The following PHYHD1 variants were observed in gnomAD, a reference collection of about 807,000 sequenced individuals.
The protein encoded by PHYHD1 is phytanoyl-CoA dioxygenase domain-containing protein 1.
In PHYHD1, 42 loss-of-function variants were observed where a neutral mutation model predicts 43.6. The observed-to-expected ratio is 0.96, with a 90% confidence interval of 0.75 to 1.25. The LOEUF (loss-of-function observed/expected upper bound fraction) is 1.25, where lower values mean the gene tolerates loss of function less well. PHYHD1 is among the 50% of genes most tolerant of loss of function. PHYHD1 has a pLI of 0.00. For missense variants in PHYHD1, 342 were observed against 370.8 expected, an observed-to-expected ratio of 0.92 and a Z score of 0.64; for synonymous variants, 139 against 143.6, an observed-to-expected ratio of 0.97 and a Z score of 0.23.
intron 3 of PHYHD1, among the ~76,000 whole-genome samples, chr9:128,923,589 G>A (rs894197359): frequency 2.0e-5 from 3 of 152,192 alleles, no homozygotes; most frequent in African/African-American, 7.2e-5. Flanking sequence ...ATCCCCTTGC[G>A]CTGAGCATTT....
chr9:128,933,950 C>T, intron 5 of PHYHD1, 61 bp from the exon 6 acceptor site: 1 of 1,606,452 alleles, frequency 6.2e-7, no homozygotes, highest in Admixed American at 1.7e-5. Flanking sequence ...CATGCTGAAG[C>T]CAGCTGCCCA....
At chr9:128,931,846 CTTTTT>C (rs1362940280) in intron 4 of PHYHD1, among the ~76,000 whole-genome samples, 1 of 149,642 alleles carries the variant, frequency 6.7e-6, no homozygotes, top group South Asian at 2.1e-4. Flanking sequence ...TTCTTTCTTT[CTTTTT>C]GAGATGGAGT....
chr9:128,936,461 C>T lies in PHYHD1; in HGVS notation c.330C>T (p.His110=), dbSNP rs17854842. 1.4e-4 allele frequency: 221 copies of T among 1,613,122 alleles called. No individual in the cohort carries two copies. Among genetic ancestry groups the T allele is most frequent in the South Asian group, 2.0e-4 (18 of 90,718 alleles). ...INKIGHALHA[H]DPVFKSITHS... Reference sequence around the variant, plus strand: ...TCTGTCCCATAGCTCTGCACGCCCACGACCCCGTCTTCAAGAGCATCACAC... The same window carrying T: ...TCTGTCCCATAGCTCTGCACGCCCATGACCCCGTCTTCAAGAGCATCACAC... Residue 110 remains histidine, a synonymous_variant, in exon 7 of 13, where the codon CAC becomes CAT. Coordinates refer to ENST00000372592, the MANE Select transcript of PHYHD1 (RefSeq NM_001100876.2).
At position 128,940,517 on chromosome 9, in the gene PHYHD1, C is replaced by G; in HGVS notation, c.586+20C>G. ...ACACCAGTGAGGAACCCTGTCTCTT[C>G]TGCCCACTTGGGACTCCCCACCCCC... On this transcript the variant is annotated intron_variant, in intron 10 of 12. Transcript: ENST00000372592. 6.2e-7 allele frequency: 1 copy of G among 1,614,134 alleles called. No homozygotes were observed.
intron 4 of PHYHD1, 149 bp from the exon 5 acceptor site, chr9:128,933,633 G>A: frequency 1.2e-6 from 1 of 827,772 alleles, no homozygotes; most frequent in South Asian, 1.4e-5. Flanking sequence ...CTGGCTCACT[G>A]TCTGTGCCTC....
chr9:128,934,408 A>G (rs999243227), intron 6 of PHYHD1, among the ~76,000 whole-genome samples: 2 of 151,706 alleles, frequency 1.3e-5, no homozygotes, highest in African/African-American at 2.4e-5. Context: ...AAAAAAAAAA[A>G]AAAGAAAAGG....
At chr9:128,923,692 T>C (rs1841061304) in intron 3 of PHYHD1, among the ~76,000 whole-genome samples, 1 of 152,262 alleles carries the variant, frequency 6.6e-6, no homozygotes, top group African/African-American at 2.4e-5. Context: ...TGCGTAATCC[T>C]CCTAAAACAA....
At chr9:128,926,999 T>A (rs1564538672) in intron 3 of PHYHD1, 39 bp from the exon 4 acceptor site, 1 of 1,613,990 alleles carries the variant, frequency 6.2e-7, no homozygotes, top group Non-Finnish European at 8.5e-7. Flanking sequence ...CAGGAGCATT[T>A]GCAGACTGGG....
chr9:128,933,317 T>A (rs10125724), intron 4 of PHYHD1, among the ~76,000 whole-genome samples: 59,372 of 151,458 alleles, frequency 0.39, 11,819 homozygotes, highest in Admixed American at 0.43. Context: ...CGCCCAGCTG[T>A]TTTTTGTATT....
intron 4 of PHYHD1, among the ~76,000 whole-genome samples, chr9:128,930,257 G>A (rs913138382): frequency 6.6e-6 from 1 of 150,862 alleles, no homozygotes; most frequent in African/African-American, 2.4e-5. Flanking sequence ...TCCAGCCTGG[G>A]GGACAGAGTG....
intron 4 of PHYHD1, among the ~76,000 whole-genome samples, chr9:128,930,113 A>G (rs1233942290): frequency 6.6e-6 from 1 of 151,818 alleles, no homozygotes; most frequent in Non-Finnish European, 1.5e-5. Flanking sequence ...CCCCATCTCT[A>G]CCAAAAATCC....
In PHYHD1 at chr9:128,934,036, A is replaced by C; in HGVS notation, c.294A>C (p.Lys98Asn). The part of the protein sequence containing the change: ...EKGNFLVPPE[K>N]SINKIGHALH... ...GAAATTTCCTGGTCCCTCCGGAGAA[A>C]TCCATCAACAAAATTGGCCACGGTG... Residue 98 changes from lysine to asparagine, a missense_variant, in exon 6 of 13, where the codon AAA becomes AAC. Physicochemically the swap from Lys to Asn is moderately conservative, Grantham distance 94 (BLOSUM62 0). Coordinates refer to ENST00000372592, the MANE Select transcript of PHYHD1 (RefSeq NM_001100876.2). 6.2e-7 allele frequency: 1 copy of C among 1,613,826 alleles called. No homozygotes were observed. The highest frequency in any genetic ancestry group is 8.5e-7 in the Non-Finnish European group (1 of 1,179,902).
At chr9:128,921,862 T>G (rs1841006227) in intron 1 of PHYHD1, 68 bp from the exon 2 acceptor site, 1 of 164,732 alleles carries the variant, frequency 6.1e-6, no homozygotes, top group African/African-American at 2.4e-5. Context: ...ACCTTTGGAA[T>G]GCCCATTACC....
At chr9:128,933,543 G>A (rs942742053) in intron 4 of PHYHD1, among the ~76,000 whole-genome samples, 2 of 152,132 alleles carry the variant, frequency 1.3e-5, no homozygotes, top group African/African-American at 4.8e-5. Flanking sequence ...TAGCATCCAT[G>A]TTCTGAATCA....
rs749348627 is a variant in PHYHD1 at position 128,941,501 on chromosome 9, G to C, written c.760G>C (p.Asp254His). ...VVHKSKQNLS[D>H]RSRQAYTFHL... ...ACACAAGAGCAAGCAGAACCTCTCTGACCGCTCGCGCCAGGCCTACACTTT... is the reference window on the plus strand; with the variant it reads ...ACACAAGAGCAAGCAGAACCTCTCTCACCGCTCGCGCCAGGCCTACACTTT... The change falls in exon 12 of 13, where the codon GAC becomes CAC. Residue 254 changes from aspartate (D) to histidine (H), a missense_variant. Coordinates refer to ENST00000372592, the MANE Select transcript of PHYHD1 (RefSeq NM_001100876.2). 6.2e-7 allele frequency: 1 copy of C among 1,613,898 alleles called. No homozygotes were observed. The highest frequency in any genetic ancestry group is 8.5e-7 in the Non-Finnish European group (1 of 1,180,026).
intron 4 of PHYHD1, among the ~76,000 whole-genome samples, chr9:128,932,175 A>ATTTTTTTTTTTTTT (rs1164525938): frequency 3.7e-5 from 4 of 107,104 alleles, no homozygotes; most frequent in African/African-American, 1.8e-4. Flanking sequence ...TATTGTTATT[A>ATTTTTTTTTTTTTT]TTATTATTAT....
At chr9:128,928,799 A>T (rs1841201418) in intron 4 of PHYHD1, among the ~76,000 whole-genome samples, 1 of 152,144 alleles carries the variant, frequency 6.6e-6, no homozygotes, top group African/African-American at 2.4e-5. Context: ...ACTCAGTAAC[A>T]TCCTCAATAT....
At chr9:128,936,687 G>A (rs1404684708) in intron 8 of PHYHD1, 42 bp downstream of exon 8, 2 of 1,542,472 alleles carry the variant, frequency 1.3e-6, no homozygotes, top group Non-Finnish European at 1.8e-6. Context: ...TCTGTAAAAT[G>A]GGCAGACTGC....
Position 128,933,782 on chromosome 9 carries a change from G to A in PHYHD1, c.193G>A (p.Gly65Ser), listed in dbSNP as rs751960639. 3 of 1,613,892 alleles carry A rather than the reference G, an allele frequency of 1.9e-6. No individual in the cohort carries two copies. In the African/African-American group the frequency reaches 4.0e-5, roughly 22 times the overall value. The change falls in exon 5 of 13, where the codon GGC becomes AGC. Residue 65 changes from glycine (G) to serine (S), a missense_variant and splice_region_variant. Physicochemically the swap from Gly to Ser is moderately conservative, Grantham distance 56 (BLOSUM62 0). Coordinates refer to ENST00000372592, the MANE Select transcript of PHYHD1 (RefSeq NM_001100876.2). Reference protein sequence around the residue: ...TQEEEQLRAQGSTDYFLSSGD... With the variant: ...TQEEEQLRAQSSTDYFLSSGD... ...GTCCTCTGATGTCCCCTTTCCACAG[G>A]GCAGCACAGACTATTTCTTGAGCAG... is the stretch of plus-strand genomic sequence containing the variant.
Sources: gnomAD v4.1 joint callset for allele counts (sites outside exome capture counted in the v4.1 genomes callset) on GRCh38, gnomAD v4.1.1 for gene constraint, MANE v1.5 for transcripts, NCBI Gene and HGNC (gene_info 2026-07-23, HGNC 2026-07-21) for gene names.